Variants in MYO18A observed in about 807,000 individuals in gnomAD.
MYO18A encodes unconventional myosin-XVIIIa.
Under a neutral mutation model 235.8 loss-of-function variants are expected in MYO18A, and 78 were observed. The ratio of observed to expected loss-of-function variants is 0.33; its 90% CI spans 0.28 to 0.40. The LOEUF is 0.40. MYO18A is among the 10% of genes least tolerant of loss of function. The pLI is 1.00. For missense variants in MYO18A, 2,215 were observed against 2,699.3 expected, an observed-to-expected ratio of 0.82 and a Z score of 3.98; for synonymous variants, 977 against 1,077.8, an observed-to-expected ratio of 0.91 and a Z score of 1.83.
intron 2 of MYO18A, among the ~76,000 whole-genome samples, chr17:29,130,477 CACA>C (rs1567618998): frequency 0.018 from 166 of 9,290 alleles, no homozygotes; most frequent in Non-Finnish European, 0.028. Flanking sequence ...GCCTCTCCCA[CACA>C]CACACACACA....
chr17:29,094,366 C>T, intron 30 of MYO18A: 1 of 598,824 alleles, frequency 1.7e-6, no homozygotes, highest in Non-Finnish European at 3.0e-6. Flanking sequence ...GACTTGGTGG[C>T]TGGGTAGCAG....
At chr17:29,130,407 C>T (rs1294309794) in intron 2 of MYO18A, among the ~76,000 whole-genome samples, 1 of 150,914 alleles carries the variant, frequency 6.6e-6, no homozygotes, top group South Asian at 2.1e-4. Flanking sequence ...CTCTTCCAAG[C>T]ACTTTACATG....
At chr17:29,123,223 G>A (rs375967649) in intron 2 of MYO18A, among the ~76,000 whole-genome samples, 28 of 152,204 alleles carry the variant, frequency 1.8e-4, no homozygotes, top group East Asian at 1.9e-4. Flanking sequence ...GGAAACAGAC[G>A]AGGGACCCAG....
chr17:29,115,313 C>G, intron 13 of MYO18A, 38 bp downstream of exon 13: 1 of 1,609,544 alleles, frequency 6.2e-7, no homozygotes, highest in East Asian at 2.2e-5. Flanking sequence ...CCACCTCTGC[C>G]AAAGCAGGAA....
At chr17:29,176,278 C>G (rs909224254) in intron 1 of MYO18A, among the ~76,000 whole-genome samples, 1 of 151,984 alleles carries the variant, frequency 6.6e-6, no homozygotes, top group Non-Finnish European at 1.5e-5. Flanking sequence ...GCCTTCATGT[C>G]TTGAAAAAGT....
At chr17:29,133,519 GGAGGGGTTAACCCA>G (rs1470212630) in intron 2 of MYO18A, among the ~76,000 whole-genome samples, 4 of 152,152 alleles carry the variant, frequency 2.6e-5, no homozygotes, top group Non-Finnish European at 5.9e-5. Context: ...GGAAGGGTGT[GGAGGGGTTAACCCA>G]GAGGGACACC....
At chr17:29,097,725 CA>C in intron 26 of MYO18A, 62 bp downstream of exon 26, 1 of 1,431,380 alleles carries the variant, frequency 7.0e-7, no homozygotes. Context: ...CATGACTACC[CA>C]GGGGTGGGCA....
At chr17:29,149,739 G>T (rs2152946057) in intron 2 of MYO18A, among the ~76,000 whole-genome samples, 1 of 152,282 alleles carries the variant, frequency 6.6e-6, no homozygotes, top group South Asian at 2.1e-4. Context: ...GGCCCCCGGG[G>T]ACTTCCAAAT....
intron 2 of MYO18A, chr17:29,131,543 G>T: frequency 2.1e-6 from 1 of 473,526 alleles, no homozygotes; most frequent in Non-Finnish European, 2.8e-6. Flanking sequence ...TCACCCTGAG[G>T]TGGAGCTCCT....
At chr17:29,092,273 G>A (rs1568049393) in intron 34 of MYO18A, 70 bp downstream of exon 34, 2 of 1,169,230 alleles carry the variant, frequency 1.7e-6, no homozygotes, top group Non-Finnish European at 2.5e-6. Context: ...CTAGGGTGAA[G>A]GGAGCCACAG....
At chr17:29,079,372 G>A (rs1350100459) in intron 41 of MYO18A, among the ~76,000 whole-genome samples, 1 of 152,246 alleles carries the variant, frequency 6.6e-6, no homozygotes, top group Non-Finnish European at 1.5e-5. Flanking sequence ...ACCTCTCCAA[G>A]CCTCAGCTTC....
Position 29,117,956 on chromosome 17 carries a change from T to C in MYO18A, c.2038+89A>G. Reference sequence around the variant, plus strand: ...GGTTGTCTCAGAACGGCTAAGTCTGTGCTGGGCAAGAATAAACTGGGAGTG... The same window carrying C: ...GGTTGTCTCAGAACGGCTAAGTCTGCGCTGGGCAAGAATAAACTGGGAGTG... On this transcript the variant is annotated intron_variant, in intron 10 of 41. Transcript: ENST00000527372. The surrounding 1 kb of genome is among the most constrained non-coding windows in gnomAD (Gnocchi z 4.6). 6.9e-7 allele frequency: 1 copy of C among 1,448,300 alleles called. No individual in the cohort carries two copies. The highest frequency in any genetic ancestry group is 1.4e-5 in the African/African-American group (1 of 71,102). The allele number at this position is 1,448,300 out of a possible 1,614,324, so 89.7% of individuals were successfully genotyped here.
At position 29,114,922 on chromosome 17, in the gene MYO18A, C is replaced by G. The variant is rs764305833; in HGVS notation, c.2496G>C (p.Leu832Phe). ...CCAGAGCTACCTCCTTGTATCTTTC[C>G]AACTCCTGCACGAAGGTGCGCTCGT... ...LFHERTFVQE[L>F]ERYKEENIEL... is the part of the protein sequence containing the mutation. Residue 832 changes from leucine to phenylalanine, a missense_variant, in exon 14 of 42, where the codon TTG becomes TTC. Coordinates refer to ENST00000527372, the MANE Select transcript of MYO18A (RefSeq NM_078471.4). 1 of 1,613,650 alleles carries G rather than the reference C, an allele frequency of 6.2e-7. No homozygotes were observed. Among genetic ancestry groups the G allele is most frequent in the Non-Finnish European group, 8.5e-7 (1 of 1,179,696 alleles).
chr17:29,103,725 T>C (rs2066713250), intron 20 of MYO18A, 61 bp from the exon 21 acceptor site: 1 of 1,546,310 alleles, frequency 6.5e-7, no homozygotes, highest in Non-Finnish European at 8.9e-7. Context: ...TGCAGGGCTT[T>C]CTCCAGGCCC....
At chr17:29,134,607 C>T (rs2067552174) in intron 2 of MYO18A, among the ~76,000 whole-genome samples, 1 of 152,104 alleles carries the variant, frequency 6.6e-6, no homozygotes, top group African/African-American at 2.4e-5. Context: ...ACTGCAACCT[C>T]CACCTCCCGG....
rs772043339 is a variant in MYO18A at position 29,111,587 on chromosome 17, A to C, written c.2741-4T>G. 2 of 1,613,822 alleles carry C rather than the reference A, an allele frequency of 1.2e-6. No individual in the cohort carries two copies. Among genetic ancestry groups the C allele is most frequent in the Admixed American group, 3.3e-5 (2 of 60,000 alleles). ...CTGTGCAGAAGGGGGCTTTGGCCTGATGGTGGGAGAAGCAAGATTTAGGTC... is the reference window on the plus strand; with the variant it reads ...CTGTGCAGAAGGGGGCTTTGGCCTGCTGGTGGGAGAAGCAAGATTTAGGTC... On this transcript the variant is annotated splice_polypyrimidine_tract_variant and splice_region_variant and intron_variant, in intron 16 of 41. Transcript: ENST00000527372. The surrounding 1 kb of genome is among the most constrained non-coding windows in gnomAD (Gnocchi z 5.1).
chr17:29,175,198 C>T (rs1167200550), intron 1 of MYO18A, among the ~76,000 whole-genome samples: 1 of 151,974 alleles, frequency 6.6e-6, no homozygotes, highest in African/African-American at 2.4e-5. Context: ...TCAAGTGGTC[C>T]ACCCACCTTG....
chr17:29,088,037 G>A (rs745466556), intron 37 of MYO18A, among the ~76,000 whole-genome samples: 11 of 151,708 alleles, frequency 7.3e-5, no homozygotes, highest in Non-Finnish European at 1.3e-4. Context: ...GGTTGGGGTG[G>A]GCAGAAAATA....
At chr17:29,103,129 G>A (rs892400129) in intron 21 of MYO18A, among the ~76,000 whole-genome samples, 2 of 152,250 alleles carry the variant, frequency 1.3e-5, no homozygotes, top group Non-Finnish European at 2.9e-5. Flanking sequence ...TGGCCTGTGG[G>A]CAGGTGGTGG....
Sources: allele counts gnomAD v4.1 joint callset (sites outside exome capture counted in the v4.1 genomes callset), GRCh38; gene constraint gnomAD v4.1.1; non-coding constraint Gnocchi (gnomAD v3.1); transcripts MANE v1.5; gene names NCBI Gene and HGNC (gene_info 2026-07-23, HGNC 2026-07-21).